The following FSIP1 variants were observed in gnomAD, a reference collection of about 807,000 sequenced individuals.
FSIP1 encodes the protein fibrous sheath interacting protein 1, also known as fibrous sheath-interacting protein 1.
Under a neutral mutation model 60.9 loss-of-function variants are expected in FSIP1, and 65 were observed. That is an observed-to-expected ratio of 1.07 (90% CI 0.87 to 1.31). The LOEUF (loss-of-function observed/expected upper bound fraction) is 1.31. Among genes scored for constraint, FSIP1 ranks in the 40% most tolerant of loss-of-function variants. The pLI is 0.00. For synonymous variants in FSIP1, 209 were observed against 221.2 expected (o/e 0.94, Z 0.49); for missense variants, 675 against 665.5 (o/e 1.01, Z -0.16).
rs115345760 is a variant in FSIP1 at position 39,738,010 on chromosome 15, A to C, written c.891+81T>G. 1.5e-3 allele frequency: 1,195 copies of C among 821,306 alleles called. 14 individuals are homozygous for C. In the African/African-American group the frequency reaches 0.019, roughly 13 times the overall value. The allele number at this position is 821,306 out of a possible 1,614,324, so 50.9% of individuals were successfully genotyped here. A position where few individuals can be genotyped will look rare whatever the true frequency, so the allele number is the denominator to read the frequency against. On this transcript the variant is annotated intron_variant, in intron 8 of 11. Coordinates refer to ENST00000350221, the MANE Select transcript of FSIP1 (RefSeq NM_152597.5). ...TCTCAGAATCCGAAAAATTATTGTA[A>C]ATTTATGATACTGGGCCAATAATAT...
At chr15:39,691,889 G>C (rs1894616107) in intron 10 of FSIP1, among the ~76,000 whole-genome samples, 2 of 152,176 alleles carry the variant, frequency 1.3e-5, no homozygotes, top group Non-Finnish European at 2.9e-5. Context: ...TAGATAGATA[G>C]ATAGAGAGCG....
At chr15:39,638,286 T>C (rs1334755639) in intron 10 of FSIP1, among the ~76,000 whole-genome samples, 3 of 152,196 alleles carry the variant, frequency 2.0e-5, no homozygotes, top group Admixed American at 2.0e-4. Context: ...GAGTACATTA[T>C]AGCAAAGCAT....
rs376926417 is a variant in FSIP1 at position 39,728,997 on chromosome 15, G to A, written c.892-2250C>T. ...CAACAAGCATATGAAAAAAACGCTC[G>A]ACATCACTAATCATTTGAAAAATGC... On this transcript the variant is annotated intron_variant, in intron 8 of 11. Coordinates refer to ENST00000350221, the MANE Select transcript of FSIP1 (RefSeq NM_152597.5). 1.1e-4 allele frequency among the ~76,000 whole-genome samples: 16 copies of A among 151,988 alleles called. No individual in the cohort carries two copies. The East Asian group carries it at 1.7e-3, about 16-fold the overall frequency.
At chr15:39,677,970 T>C (rs1360910753) in intron 10 of FSIP1, among the ~76,000 whole-genome samples, 1 of 150,458 alleles carries the variant, frequency 6.6e-6, no homozygotes, top group Non-Finnish European at 1.5e-5. Context: ...CACTACAGCC[T>C]AGTGACAGAG....
At chr15:39,747,651 C>T (rs1344230010) in intron 5 of FSIP1, among the ~76,000 whole-genome samples, 2 of 152,124 alleles carry the variant, frequency 1.3e-5, no homozygotes, top group African/African-American at 2.4e-5. Flanking sequence ...TATGTAATCC[C>T]TAGTTACTAT....
intron 10 of FSIP1, among the ~76,000 whole-genome samples, chr15:39,686,556 A>G (rs979687995): frequency 4.6e-5 from 7 of 152,264 alleles, no homozygotes; most frequent in Non-Finnish European, 8.8e-5. Context: ...CTGAATTAAA[A>G]TAATTTCAAA....
chr15:39,707,794 C>A (rs1895338448), intron 10 of FSIP1, among the ~76,000 whole-genome samples: 1 of 152,066 alleles, frequency 6.6e-6, no homozygotes, highest in Admixed American at 6.5e-5. Flanking sequence ...CAAGGTCACA[C>A]AGCTACTAAG....
In FSIP1 at chr15:39,676,224, G is replaced by A. The variant is rs555205267; in HGVS notation, c.1188+37220C>T. Among the ~76,000 whole-genome samples the A allele has an allele frequency of 7.4e-5, 11 of 149,514 alleles. No individual in the cohort carries two copies. In the South Asian group the frequency reaches 2.3e-3, roughly 32 times the overall value. ...TACCTCATACACTCAGTCATAAAGA[G>A]TCTTGAGAAACTAGTGGACCAGAAA... is the stretch of plus-strand genomic sequence containing the variant. On this transcript the variant is annotated intron_variant, in intron 10 of 11. Transcript: ENST00000350221.
At chr15:39,720,460 T>TC (rs372991378) in intron 9 of FSIP1, among the ~76,000 whole-genome samples, 2 of 152,134 alleles carry the variant, frequency 1.3e-5, no homozygotes, top group African/African-American at 4.8e-5. Flanking sequence ...CAGCAATGCC[T>TC]CCTGTCAAGG....
intron 10 of FSIP1, among the ~76,000 whole-genome samples, chr15:39,630,737 G>A (rs1460054080): frequency 6.6e-6 from 1 of 152,204 alleles, no homozygotes; most frequent in Non-Finnish European, 1.5e-5. Context: ...TATAAAGTTA[G>A]GGCCTTTTCA....
At chr15:39,715,365 C>A (rs1895700602) in intron 9 of FSIP1, among the ~76,000 whole-genome samples, 2 of 152,132 alleles carry the variant, frequency 1.3e-5, no homozygotes, top group Non-Finnish European at 2.9e-5. Context: ...GCCACATGCT[C>A]CTTTATTGCA....
chr15:39,677,368 T>G (rs938638889), intron 10 of FSIP1, among the ~76,000 whole-genome samples: 1 of 152,176 alleles, frequency 6.6e-6, no homozygotes, highest in Non-Finnish European at 1.5e-5. Flanking sequence ...TCCCCATATA[T>G]GTTTCTGTCC....
At chr15:39,761,297 A>G (rs1344482805) in intron 5 of FSIP1, among the ~76,000 whole-genome samples, 1 of 152,246 alleles carries the variant, frequency 6.6e-6, no homozygotes, top group African/African-American at 2.4e-5. Context: ...CACTACTCAC[A>G]ATAGCCAAGT....
chr15:39,672,264 G>A (rs1893750678), intron 10 of FSIP1, among the ~76,000 whole-genome samples: 1 of 152,196 alleles, frequency 6.6e-6, no homozygotes, highest in African/African-American at 2.4e-5. Context: ...TGAGGGTAGG[G>A]CATTCAGCAC....
intron 5 of FSIP1, among the ~76,000 whole-genome samples, chr15:39,742,176 C>T (rs532414392): frequency 4.8e-4 from 73 of 152,266 alleles, no homozygotes; most frequent in African/African-American, 1.8e-3. Flanking sequence ...TAAGAGTGTG[C>T]TAAAATAACA....
At chr15:39,627,390 G>A (rs1014106268) in intron 10 of FSIP1, among the ~76,000 whole-genome samples, 1 of 152,226 alleles carries the variant, frequency 6.6e-6, no homozygotes, top group African/African-American at 2.4e-5. Context: ...TGCTGATGAG[G>A]TGTGAGTTGC....
intron 10 of FSIP1, among the ~76,000 whole-genome samples, chr15:39,648,903 A>T (rs1595571577): frequency 6.6e-6 from 1 of 152,310 alleles, no homozygotes; most frequent in Middle Eastern, 3.4e-3. Context: ...ATCATTATTT[A>T]AAAAGGAAAG....
At chr15:39,662,836 A>G (rs572621458) in intron 10 of FSIP1, among the ~76,000 whole-genome samples, 5 of 152,296 alleles carry the variant, frequency 3.3e-5, no homozygotes, top group Admixed American at 6.5e-5. Flanking sequence ...AAGGCAAACA[A>G]TTCACTTCTA....
chr15:39,697,608 C>T (rs904618359), intron 10 of FSIP1, among the ~76,000 whole-genome samples: 20 of 152,262 alleles, frequency 1.3e-4, no homozygotes, highest in Non-Finnish European at 1.2e-4. Flanking sequence ...AATTCGTCTT[C>T]GCTCGTCACT....
Sources: gnomAD v4.1 joint callset for allele counts (sites outside exome capture counted in the v4.1 genomes callset) on GRCh38, gnomAD v4.1.1 for gene constraint, MANE v1.5 for transcripts, NCBI Gene and HGNC (gene_info 2026-07-23, HGNC 2026-07-21) for gene names.